The following ABCC9 variants were observed in gnomAD, a reference collection of about 807,000 sequenced individuals.
ABCC9 encodes ATP-binding cassette sub-family C member 9.
ABCC9 carries 95 observed loss-of-function variants against 188.3 expected under a neutral mutation model. That is an observed-to-expected ratio of 0.50 (90% CI 0.43 to 0.60). The LOEUF is 0.60. Ranked by LOEUF, ABCC9 falls within the 20% of genes least tolerant of loss-of-function variation. The probability of loss-of-function intolerance (pLI) is 0.00; values close to 1 mark genes in which losing one functional copy is unlikely to be tolerated. For synonymous variants in ABCC9, 659 were observed against 652.7 expected (o/e 1.01, Z -0.15); for missense variants, 1,102 against 1,876.3 (o/e 0.59, Z 7.62).
intron 5 of ABCC9, among the ~76,000 whole-genome samples, chr12:21,922,430 A>T (rs888995590): frequency 6.6e-6 from 1 of 151,896 alleles, no homozygotes; most frequent in Admixed American, 6.6e-5. Context: ...GTTGAATTTG[A>T]TTTGCTGGTA....
chr12:21,877,520 G>T (rs1191165236), intron 16 of ABCC9, among the ~76,000 whole-genome samples: 1 of 152,156 alleles, frequency 6.6e-6, no homozygotes, highest in Non-Finnish European at 1.5e-5. Context: ...GGCATGCAAA[G>T]AAATTATACA....
At chr12:21,863,658 C>A (rs1331504103) in intron 19 of ABCC9, among the ~76,000 whole-genome samples, 2 of 152,046 alleles carry the variant, frequency 1.3e-5, no homozygotes, top group Non-Finnish European at 2.9e-5. Flanking sequence ...TAACTACCTC[C>A]CCCCTTTTGA....
At chr12:21,825,723 CA>C (rs1166607979) in intron 31 of ABCC9, among the ~76,000 whole-genome samples, 3 of 152,166 alleles carry the variant, frequency 2.0e-5, no homozygotes, top group Non-Finnish European at 4.4e-5. Context: ...AGCAAACCAC[CA>C]TGGCATGCGT....
chr12:21,808,146 C>G (rs1941986644), intron 37 of ABCC9, among the ~76,000 whole-genome samples: 1 of 151,930 alleles, frequency 6.6e-6, no homozygotes, highest in African/African-American at 2.4e-5. Context: ...ATTCAAACAC[C>G]TTTCCCTAAT....
At chr12:21,878,202 TTAAAA>T (rs1192410199) in intron 16 of ABCC9, among the ~76,000 whole-genome samples, 1 of 152,140 alleles carries the variant, frequency 6.6e-6, no homozygotes, top group Non-Finnish European at 1.5e-5. Context: ...TAATTTCTAA[TTAAAA>T]TAAAAATTTG....
chr12:21,803,007 C>A (rs137955254), intron 39 of ABCC9, among the ~76,000 whole-genome samples: 4 of 151,936 alleles, frequency 2.6e-5, no homozygotes, highest in African/African-American at 9.7e-5. Flanking sequence ...GCCTATCATT[C>A]GCTGAATATT....
chr12:21,834,805 AC>A (rs1943984837), intron 30 of ABCC9, among the ~76,000 whole-genome samples: 1 of 151,478 alleles, frequency 6.6e-6, no homozygotes, highest in Non-Finnish European at 1.5e-5. Context: ...ACACACACAC[AC>A]ACACACACAC....
At chr12:21,851,675 A>G (rs561918977) in intron 24 of ABCC9, among the ~76,000 whole-genome samples, 4 of 152,266 alleles carry the variant, frequency 2.6e-5, no homozygotes, top group Admixed American at 2.0e-4. Context: ...TCTTCCTTCA[A>G]GATCACCTTG....
chr12:21,902,534 A>G (rs559426124), intron 12 of ABCC9, among the ~76,000 whole-genome samples: 301 of 152,330 alleles, frequency 2.0e-3, no homozygotes, highest in African/African-American at 6.6e-3. Context: ...AGATCAACAA[A>G]ATAGATAGAC....
At position 21,895,277 on chromosome 12, in the gene ABCC9, C is replaced by A. The variant is rs2137747839; in HGVS notation, c.1657G>T (p.Ala553Ser). The A allele has an allele frequency of 6.8e-6, 11 of 1,613,308 alleles. No homozygotes were observed. The highest frequency in any genetic ancestry group is 8.5e-6 in the Non-Finnish European group (10 of 1,179,370). ...AAAAGAGAGAAAAAGTGTCTTACAGCAAGAACAGCTGCTATGGGAATTGCT... is the reference window on the plus strand; with the variant it reads ...AAAAGAGAGAAAAAGTGTCTTACAGAAAGAACAGCTGCTATGGGAATTGCT... ...NAAIPIAAVL[A>S]TFVTHAYASG... The change falls in exon 13 of 40, where the codon GCT becomes TCT. Residue 553 changes from alanine (A) to serine (S), a missense_variant and splice_region_variant. Transcript: ENST00000261200.
At position 21,826,280 on chromosome 12, in the gene ABCC9, T is replaced by A. The variant is rs191567922; in HGVS notation, c.3669+2678A>T. On this transcript the variant is annotated intron_variant, in intron 31 of 39. Coordinates refer to ENST00000261200, the MANE Select transcript of ABCC9 (RefSeq NM_020297.4). ...TTCATTACTTTAAAAAAAAAAAGAC[T>A]TACAAGGCAGAATACAGAATATATC... Among the ~76,000 whole-genome samples, 141 of 152,144 alleles carry A rather than the reference T, an allele frequency of 9.3e-4. 1 individual carries two copies. The highest frequency in any genetic ancestry group is 3.3e-3 in the African/African-American group (138 of 41,522).
rs572000682 is a variant in ABCC9 at position 21,866,463 on chromosome 12, GT to G, written c.2199-1987del. Among the ~76,000 whole-genome samples, 1,085 of 152,176 alleles carry G rather than the reference GT, an allele frequency of 7.1e-3. 5 individuals carry two copies. Among genetic ancestry groups the G allele is most frequent in the Middle Eastern group, 0.02 (6 of 294 alleles). ...TTATAAAACACTGTACTTCTTCCTA[GT>G]CTTTATAAAACATTAATAAAATAAC... is the stretch of plus-strand genomic sequence containing the variant. On this transcript the variant is annotated intron_variant, in intron 18 of 39. Coordinates refer to ENST00000261200, the MANE Select transcript of ABCC9 (RefSeq NM_020297.4).
intron 32 of ABCC9, 111 bp from the exon 33 acceptor site, chr12:21,817,418 A>T: frequency 1.0e-6 from 1 of 965,792 alleles, no homozygotes; most frequent in East Asian, 2.6e-5. Flanking sequence ...TACATGTGTG[A>T]TACAACTCAT....
At chr12:21,814,016 CT>C (rs1444789881) in intron 35 of ABCC9, among the ~76,000 whole-genome samples, 1 of 152,092 alleles carries the variant, frequency 6.6e-6, no homozygotes, top group African/African-American at 2.4e-5. Flanking sequence ...TTATAGGCCA[CT>C]TGATAGACTA....
At chr12:21,859,808 GA>G (rs1188488726) in intron 21 of ABCC9, 142 bp from the exon 22 acceptor site, 1 of 769,974 alleles carries the variant, frequency 1.3e-6, no homozygotes, top group East Asian at 2.5e-5. Flanking sequence ...ACATTGGTAA[GA>G]AAACATGGAA....
chr12:21,842,276 T>A (rs749008060), intron 29 of ABCC9, 38 bp downstream of exon 29: 3 of 1,603,360 alleles, frequency 1.9e-6, no homozygotes, highest in Non-Finnish European at 2.6e-6. Context: ...TGACTGTAGA[T>A]AAGCTTTTGA....
intron 22 of ABCC9, among the ~76,000 whole-genome samples, chr12:21,859,355 T>TCTA (rs1945388910): frequency 1.3e-5 from 2 of 152,118 alleles, no homozygotes; most frequent in African/African-American, 4.8e-5. Flanking sequence ...AACAACCACT[T>TCTA]AGGGCATCTA....
intron 33 of ABCC9, 61 bp downstream of exon 33, chr12:21,817,125 CA>C: frequency 6.4e-7 from 1 of 1,569,004 alleles, no homozygotes; most frequent in Non-Finnish European, 8.7e-7. Context: ...ATGTGCCCAA[CA>C]AACACTAATA....
intron 24 of ABCC9, among the ~76,000 whole-genome samples, chr12:21,849,623 A>T (rs934060408): frequency 6.6e-6 from 1 of 152,174 alleles, no homozygotes; most frequent in Non-Finnish European, 1.5e-5. Context: ...AAACAAAAAA[A>T]CCCAAACAAA....
Sources: gnomAD v4.1 joint callset for allele counts (sites outside exome capture counted in the v4.1 genomes callset) on GRCh38, gnomAD v4.1.1 for gene constraint, MANE v1.5 for transcripts, NCBI Gene and HGNC (gene_info 2026-07-23, HGNC 2026-07-21) for gene names.